PDE7B: variants seen among roughly 807,000 people sequenced by gnomAD.
PDE7B encodes the protein 3',5'-cyclic-AMP phosphodiesterase 7B.
In PDE7B, 29 loss-of-function variants were observed where a neutral mutation model predicts 56.2. That is an observed-to-expected ratio of 0.52 (90% confidence interval 0.38 to 0.70). The LOEUF (loss-of-function observed/expected upper bound fraction) is 0.70. PDE7B is among the 30% of genes least tolerant of loss of function. The pLI is 0.00. For missense variants in PDE7B, 490 were observed against 565.0 expected, an observed-to-expected ratio of 0.87 and a Z score of 1.35; for synonymous variants, 197 against 196.9, an observed-to-expected ratio of 1.00 and a Z score of 0.00.
At chr6:135,932,715 A>G (rs573532361) in intron 1 of PDE7B, among the ~76,000 whole-genome samples, 11 of 152,304 alleles carry the variant, frequency 7.2e-5, no homozygotes, top group African/African-American at 2.2e-4. Context: ...AAAGTCTCCT[A>G]TGGTCACCGG....
At chr6:135,891,950 A>G (rs1464107467) in intron 1 of PDE7B, among the ~76,000 whole-genome samples, 1 of 152,122 alleles carries the variant, frequency 6.6e-6, no homozygotes, top group Non-Finnish European at 1.5e-5. Context: ...GTCCACAGCT[A>G]GAAGAGCACA....
At chr6:136,040,248 G>A (rs1212536517) in intron 2 of PDE7B, among the ~76,000 whole-genome samples, 2 of 152,142 alleles carry the variant, frequency 1.3e-5, no homozygotes, top group African/African-American at 4.8e-5. Context: ...TGTGGAGACA[G>A]GCTTTATAAC....
intron 1 of PDE7B, among the ~76,000 whole-genome samples, chr6:135,876,734 C>G (rs1775500579): frequency 1.3e-5 from 2 of 152,110 alleles, no homozygotes; most frequent in African/African-American, 4.8e-5. Flanking sequence ...TGGTGGGCAC[C>G]TGTAATCCCA....
At chr6:135,915,314 G>A (rs1409589417) in intron 1 of PDE7B, among the ~76,000 whole-genome samples, 1 of 152,168 alleles carries the variant, frequency 6.6e-6, no homozygotes, top group Non-Finnish European at 1.5e-5. Flanking sequence ...GAGTGGAATT[G>A]CTGGGTCAGA....
intron 4 of PDE7B, 127 bp from the exon 5 acceptor site, chr6:136,148,960 A>C: frequency 1.5e-6 from 1 of 662,910 alleles, no homozygotes; most frequent in South Asian, 1.9e-5. Context: ...GAAACCATTC[A>C]TTTGCACTAG....
At chr6:136,067,099 C>T (rs996898623) in intron 2 of PDE7B, among the ~76,000 whole-genome samples, 7 of 152,134 alleles carry the variant, frequency 4.6e-5, no homozygotes, top group African/African-American at 1.7e-4. Flanking sequence ...AATCCTCCCA[C>T]CTCAGCTTCC....
intron 3 of PDE7B, among the ~76,000 whole-genome samples, chr6:136,109,026 G>C (rs538641063): frequency 1.3e-4 from 20 of 152,248 alleles, no homozygotes; most frequent in African/African-American, 4.6e-4. Flanking sequence ...CTCCACTGAG[G>C]GTCAAATGAG....
chr6:136,027,202 T>C (rs1583835686), intron 2 of PDE7B, among the ~76,000 whole-genome samples: 1 of 152,240 alleles, frequency 6.6e-6, no homozygotes, highest in African/African-American at 2.4e-5. Context: ...CCATCCAGTC[T>C]ATGGCACTTT....
At chr6:136,137,905 CAAAAGAAAAGTG>C (rs1403335475) in intron 3 of PDE7B, among the ~76,000 whole-genome samples, 2 of 151,852 alleles carry the variant, frequency 1.3e-5, no homozygotes, top group East Asian at 1.9e-4. Context: ...GTGATATTTA[CAAAAGAAAAGTG>C]AAAAGAAAAT....
intron 6 of PDE7B, among the ~76,000 whole-genome samples, chr6:136,152,585 T>A (rs1366523971): frequency 6.6e-6 from 1 of 152,222 alleles, no homozygotes; most frequent in Non-Finnish European, 1.5e-5. Context: ...ACTCCATCAT[T>A]ACTCTGTATC....
At chr6:136,008,114 G>A (rs1473905787) in intron 2 of PDE7B, among the ~76,000 whole-genome samples, 1 of 151,896 alleles carries the variant, frequency 6.6e-6, no homozygotes, top group African/African-American at 2.4e-5. Context: ...ATAGTTTGCT[G>A]AGAATGATGG....
intron 8 of PDE7B, among the ~76,000 whole-genome samples, chr6:136,164,213 A>T (rs1220918335): frequency 6.6e-6 from 1 of 152,206 alleles, no homozygotes; most frequent in African/African-American, 2.4e-5. Context: ...AGGCAAACAC[A>T]TCCTTCTTCA....
chr6:136,037,321 G>A (rs1458774322), intron 2 of PDE7B: 1 of 667,146 alleles, frequency 1.5e-6, no homozygotes, highest in Non-Finnish European at 1.9e-6. Context: ...GCATCTTTCG[G>A]AGTTAACTGT....
intron 2 of PDE7B, among the ~76,000 whole-genome samples, chr6:135,949,691 A>G (rs2128199816): frequency 6.6e-6 from 1 of 152,262 alleles, no homozygotes; most frequent in Middle Eastern, 3.4e-3. Context: ...GATACTGGTT[A>G]TTAACCTTGT....
At chr6:136,156,162 A>AGTGTGT (rs10625572) in intron 8 of PDE7B, 12,840 of 251,668 alleles carry the variant, frequency 0.051, 606 homozygotes, top group African/African-American at 0.14. Flanking sequence ...GAATGATCCA[A>AGTGTGT]GTGTGTGTGT....
At chr6:135,952,231 A>G (rs1366643097) in intron 2 of PDE7B, among the ~76,000 whole-genome samples, 3 of 152,202 alleles carry the variant, frequency 2.0e-5, no homozygotes, top group Non-Finnish European at 4.4e-5. Context: ...AAATGTAAAA[A>G]TTGATAATAA....
chr6:135,909,050 TGTTA>T (rs1405053166), intron 1 of PDE7B, among the ~76,000 whole-genome samples: 44 of 152,326 alleles, frequency 2.9e-4, no homozygotes, highest in African/African-American at 1.0e-3. Context: ...TTGGATCTTA[TGTTA>T]GTTATGACAA....
At chr6:136,077,803 C>A (rs116606768) in intron 2 of PDE7B, among the ~76,000 whole-genome samples, 352 of 152,194 alleles carry the variant, frequency 2.3e-3, no homozygotes, top group African/African-American at 7.2e-3. Flanking sequence ...GACATAGTTT[C>A]TTTTGTTGTT....
intron 1 of PDE7B, among the ~76,000 whole-genome samples, chr6:135,861,632 A>G (rs2128184699): frequency 6.6e-6 from 1 of 151,026 alleles, no homozygotes; most frequent in South Asian, 2.1e-4. Context: ...ATCATTTTTG[A>G]TTCTTTACAT....
Sources: gnomAD v4.1 joint callset for allele counts (sites outside exome capture counted in the v4.1 genomes callset) on GRCh38, gnomAD v4.1.1 for gene constraint, MANE v1.5 for transcripts, NCBI Gene and HGNC (gene_info 2026-07-23, HGNC 2026-07-21) for gene names.